The following ADAMTS19 variants were observed in gnomAD, a reference collection of about 807,000 sequenced individuals.
The protein encoded by ADAMTS19 is ADAM metallopeptidase with thrombospondin type 1 motif 19, also known as A disintegrin and metalloproteinase with thrombospondin motifs 19.
ADAMTS19 carries 93 observed loss-of-function variants against 153.3 expected under a neutral mutation model. The observed-to-expected ratio is 0.61, with a 90% CI of 0.51 to 0.72. The LOEUF is 0.72. ADAMTS19 is among the 30% of genes least tolerant of loss of function. The pLI is 0.00. For synonymous variants in ADAMTS19, 600 were observed against 556.6 expected, an observed-to-expected ratio of 1.08 and a Z score of -1.10; for missense variants, 1,482 against 1,552.1, an observed-to-expected ratio of 0.95 and a Z score of 0.76.
chr5:129,685,076 AGT>A (rs1442203502), intron 18 of ADAMTS19, among the ~76,000 whole-genome samples: 1 of 152,130 alleles, frequency 6.6e-6, no homozygotes, highest in Non-Finnish European at 1.5e-5. Flanking sequence ...TGGACATCTA[AGT>A]GTGATGTCAA....
At chr5:129,685,785 G>A (rs921619796) in intron 18 of ADAMTS19, among the ~76,000 whole-genome samples, 2 of 152,198 alleles carry the variant, frequency 1.3e-5, no homozygotes, top group South Asian at 2.1e-4. Context: ...TTGCCAATGT[G>A]CATTTTTAAG....
intron 15 of ADAMTS19, among the ~76,000 whole-genome samples, chr5:129,661,191 T>C (rs889679466): frequency 2.0e-5 from 3 of 152,204 alleles, no homozygotes; most frequent in African/African-American, 7.2e-5. Context: ...ATTTATAATT[T>C]TATGTTCACT....
chr5:129,549,906 C>T (rs1391407735), intron 6 of ADAMTS19, among the ~76,000 whole-genome samples: 1 of 113,734 alleles, frequency 8.8e-6, no homozygotes, highest in Non-Finnish European at 1.7e-5. Context: ...ATACATGTAT[C>T]CGTATATGTA....
chr5:129,524,241 A>G (rs989180598), intron 3 of ADAMTS19, among the ~76,000 whole-genome samples: 1 of 152,066 alleles, frequency 6.6e-6, no homozygotes, highest in Non-Finnish European at 1.5e-5. Flanking sequence ...TGGTGCTGGG[A>G]AAACTAGCCA....
At chr5:129,610,348 G>C (rs1374858887) in intron 8 of ADAMTS19, among the ~76,000 whole-genome samples, 4 of 151,982 alleles carry the variant, frequency 2.6e-5, no homozygotes, top group African/African-American at 9.7e-5. Flanking sequence ...GTGCAGGTTT[G>C]TTACATATGT....
intron 3 of ADAMTS19, among the ~76,000 whole-genome samples, chr5:129,517,298 A>T (rs1049843585): frequency 1.3e-5 from 2 of 151,900 alleles, no homozygotes; most frequent in African/African-American, 4.8e-5. Context: ...TATTAGAGTC[A>T]TTTGGCCTAT....
At chr5:129,587,091 C>G (rs1298114601) in intron 7 of ADAMTS19, among the ~76,000 whole-genome samples, 2 of 151,878 alleles carry the variant, frequency 1.3e-5, no homozygotes, top group Non-Finnish European at 2.9e-5. Flanking sequence ...TTTATCTCTC[C>G]TCCTATGTTT....
chr5:129,529,459 A>C (rs1752124166), intron 6 of ADAMTS19, among the ~76,000 whole-genome samples: 2 of 152,172 alleles, frequency 1.3e-5, no homozygotes, highest in African/African-American at 4.8e-5. Flanking sequence ...GCAGGAACAC[A>C]ATTGGACTTC....
intron 7 of ADAMTS19, among the ~76,000 whole-genome samples, chr5:129,553,597 C>T (rs1281893000): frequency 6.6e-6 from 1 of 152,024 alleles, no homozygotes; most frequent in African/African-American, 2.4e-5. Flanking sequence ...GTCCAGTGCC[C>T]TTCCTGAATT....
chr5:129,462,008 T>C (rs1356271308), intron 2 of ADAMTS19, among the ~76,000 whole-genome samples: 1 of 152,174 alleles, frequency 6.6e-6, no homozygotes, highest in Non-Finnish European at 1.5e-5. Context: ...CTTTCAAAAC[T>C]GCGTGAAACT....
chr5:129,520,382 T>C (rs1428226012), intron 3 of ADAMTS19, among the ~76,000 whole-genome samples: 1 of 152,144 alleles, frequency 6.6e-6, no homozygotes, highest in African/African-American at 2.4e-5. Flanking sequence ...ATAAAGTTTC[T>C]TCACGTTAAT....
intron 14 of ADAMTS19, 142 bp downstream of exon 14, chr5:129,654,575 C>A (rs1753461376): frequency 2.2e-6 from 2 of 917,016 alleles, no homozygotes; most frequent in Non-Finnish European, 3.2e-6. Context: ...TGACCTTGAG[C>A]AAGTCTGATT....
At chr5:129,584,603 G>T (rs1327065086) in intron 7 of ADAMTS19, among the ~76,000 whole-genome samples, 2 of 152,174 alleles carry the variant, frequency 1.3e-5, no homozygotes, top group African/African-American at 4.8e-5. Context: ...CTAGAGACGA[G>T]GAATCTAGAG....
chr5:129,529,342 G>T (rs972055882), intron 6 of ADAMTS19, among the ~76,000 whole-genome samples: 4 of 152,072 alleles, frequency 2.6e-5, no homozygotes, highest in Non-Finnish European at 5.9e-5. Flanking sequence ...TCACATCACA[G>T]TAGCGTAAAT....
chr5:129,713,716 G>A (rs762925339), intron 21 of ADAMTS19, among the ~76,000 whole-genome samples: 2 of 151,490 alleles, frequency 1.3e-5, no homozygotes, highest in East Asian at 1.9e-4. Context: ...AGCCGAGATC[G>A]TGCCACTGCA....
At chr5:129,728,699 T>C (rs1286957701) in intron 21 of ADAMTS19, among the ~76,000 whole-genome samples, 1 of 152,150 alleles carries the variant, frequency 6.6e-6, no homozygotes, top group East Asian at 1.9e-4. Context: ...GCTTCCACAG[T>C]GGTAGTAATC....
intron 9 of ADAMTS19, 83 bp from the exon 10 acceptor site, chr5:129,622,113 TAA>T: frequency 7.4e-7 from 1 of 1,345,996 alleles, no homozygotes. Flanking sequence ...TTGATATTAT[TAA>T]AGTGTTTCTT....
chr5:129,562,456 C>T (rs1398322989), intron 7 of ADAMTS19, among the ~76,000 whole-genome samples: 1 of 152,144 alleles, frequency 6.6e-6, no homozygotes, highest in African/African-American at 2.4e-5. Context: ...TACTTTGGCA[C>T]CATCACTACA....
At chr5:129,666,725 G>T (rs182416245) in intron 16 of ADAMTS19, among the ~76,000 whole-genome samples, 37 of 152,218 alleles carry the variant, frequency 2.4e-4, no homozygotes, top group African/African-American at 8.2e-4. Flanking sequence ...GGTACAAATA[G>T]ATCATACAAG....
Sources: allele counts gnomAD v4.1 joint callset (sites outside exome capture counted in the v4.1 genomes callset), GRCh38; gene constraint gnomAD v4.1.1; transcripts MANE v1.5; gene names NCBI Gene and HGNC (gene_info 2026-07-23, HGNC 2026-07-21).